FOXP2: variants seen among roughly 807,000 people sequenced by gnomAD.
The protein encoded by FOXP2 is forkhead box protein P2.
FOXP2 carries 12 observed loss-of-function variants against 115.8 expected under a neutral mutation model. The ratio of observed to expected loss-of-function variants is 0.10; its 90% CI spans 0.07 to 0.17. The LOEUF (loss-of-function observed/expected upper bound fraction) is 0.17, where lower values mean the gene tolerates loss of function less well. Ranked by LOEUF, FOXP2 falls within the 10% of genes least tolerant of loss-of-function variation. The probability of loss-of-function intolerance (pLI) is 1.00; values close to 1 mark genes in which losing one functional copy is unlikely to be tolerated. For synonymous variants in FOXP2, 328 were observed against 297.7 expected (o/e 1.10, Z -1.05); for missense variants, 629 against 843.5 (o/e 0.75, Z 3.15).
At chr7:114,182,629 T>TA (rs1287328593) in intron 1 of FOXP2, among the ~76,000 whole-genome samples, 1 of 151,476 alleles carries the variant, frequency 6.6e-6, no homozygotes, top group African/African-American at 2.4e-5. Flanking sequence ...TTTTTTTTTG[T>TA]AAAAAATATT....
At chr7:114,443,040 A>G (rs1012561127) in intron 2 of FOXP2, among the ~76,000 whole-genome samples, 3 of 152,182 alleles carry the variant, frequency 2.0e-5, no homozygotes, top group African/African-American at 7.2e-5. Context: ...TTTGGCTTCA[A>G]CCCACAGTTC....
intron 1 of FOXP2, among the ~76,000 whole-genome samples, chr7:114,209,170 T>G (rs1370391521): frequency 1.3e-5 from 2 of 152,162 alleles, no homozygotes; most frequent in East Asian, 3.9e-4. Context: ...ATCTAATGGC[T>G]TATAAGGGGG....
At chr7:114,305,536 T>C (rs1484783495) in intron 2 of FOXP2, among the ~76,000 whole-genome samples, 2 of 152,144 alleles carry the variant, frequency 1.3e-5, no homozygotes. Flanking sequence ...TAAAATATGA[T>C]TCTCAATATT....
intron 2 of FOXP2, among the ~76,000 whole-genome samples, chr7:114,516,574 A>G (rs1051352363): frequency 6.6e-6 from 1 of 152,024 alleles, no homozygotes; most frequent in Non-Finnish European, 1.5e-5. Flanking sequence ...TAATTTTTTG[A>G]GAAACTTCCA....
chr7:114,678,901 T>G (rs1315759697), intron 16 of FOXP2, among the ~76,000 whole-genome samples: 1 of 152,174 alleles, frequency 6.6e-6, no homozygotes, highest in Non-Finnish European at 1.5e-5. Context: ...AGTTAAGATG[T>G]ATTTTAACTA....
chr7:114,198,515 T>C (rs993407130), intron 1 of FOXP2, among the ~76,000 whole-genome samples: 45 of 152,308 alleles, frequency 3.0e-4, no homozygotes, highest in Non-Finnish European at 4.4e-4. Context: ...ATAAGAAACA[T>C]GCAACCTAGA....
In FOXP2 at chr7:114,693,125, G is replaced by A. The variant is rs149254099; in HGVS notation, c.*3199G>A. 2,463 of 453,838 alleles carry A rather than the reference G, an allele frequency of 5.4e-3. 11 individuals carry two copies. Among genetic ancestry groups the A allele is most frequent in the Middle Eastern group, 0.01 (15 of 1,444 alleles). 28.1% of individuals were successfully genotyped at this position (453,838 alleles called of 1,614,324 possible). ...GCTTATATTCTATGTGGTTGGATTC[G>A]TGGCACAGTTGTACTATTTGAAAAT... On this transcript the variant is annotated 3_prime_UTR_variant, in exon 17 of 17. Transcript: ENST00000350908.
chr7:114,262,277 C>T (rs1305719587), intron 1 of FOXP2, among the ~76,000 whole-genome samples: 1 of 151,922 alleles, frequency 6.6e-6, no homozygotes, highest in Non-Finnish European at 1.5e-5. Context: ...TTAAAAATTA[C>T]CCAGGTATGG....
intron 16 of FOXP2, among the ~76,000 whole-genome samples, chr7:114,672,037 C>T (rs986124996): frequency 1.3e-5 from 2 of 152,070 alleles, no homozygotes; most frequent in African/African-American, 4.8e-5. Context: ...TTTATATAAG[C>T]AACAGATGAT....
chr7:114,543,077 G>T (rs533699149), intron 3 of FOXP2, among the ~76,000 whole-genome samples: 57 of 151,856 alleles, frequency 3.8e-4, no homozygotes, highest in Non-Finnish European at 6.0e-4. Context: ...CACCATACCC[G>T]GCCTGTTCTT....
At chr7:114,180,237 A>G (rs1030455247) in intron 1 of FOXP2, among the ~76,000 whole-genome samples, 1 of 151,976 alleles carries the variant, frequency 6.6e-6, no homozygotes, top group Admixed American at 6.6e-5. Context: ...TCTTCTCTGA[A>G]GTATTTAACA....
chr7:114,426,261 A>G (rs914701122), intron 1 of FOXP2, among the ~76,000 whole-genome samples: 3 of 151,688 alleles, frequency 2.0e-5, no homozygotes, highest in Non-Finnish European at 4.4e-5. Context: ...TATGCATGGT[A>G]TGTTACTTTG....
chr7:114,278,723 A>T (rs1796254507), intron 1 of FOXP2, among the ~76,000 whole-genome samples: 1 of 152,206 alleles, frequency 6.6e-6, no homozygotes, highest in Admixed American at 6.5e-5. Flanking sequence ...GGAACAGAAG[A>T]CTCAGTATTG....
At chr7:114,482,005 A>G (rs1254153077) in intron 2 of FOXP2, among the ~76,000 whole-genome samples, 1 of 151,234 alleles carries the variant, frequency 6.6e-6, no homozygotes, top group Admixed American at 6.6e-5. Context: ...CTTAATCACC[A>G]TTGATTACTC....
At chr7:114,657,936 G>A in intron 10 of FOXP2, 130 bp from the exon 11 acceptor site, 2 of 904,118 alleles carry the variant, frequency 2.2e-6, no homozygotes, top group Non-Finnish European at 1.8e-6. Context: ...GTTGAGATTG[G>A]CTGCTTCCTT....
intron 2 of FOXP2, among the ~76,000 whole-genome samples, chr7:114,505,824 T>C (rs924587377): frequency 2.3e-4 from 35 of 151,764 alleles, no homozygotes; most frequent in Admixed American, 9.2e-4. Context: ...GTATTTTATG[T>C]ATAAGGGCGG....
rs398005920 is a variant in FOXP2 at position 114,378,684 on chromosome 7, CAAAAA to C, written c.-10-47805_-10-47801del. 2.8e-3 allele frequency among the ~76,000 whole-genome samples: 50 copies of C among 18,098 alleles called. 1 individual carries two copies. Among genetic ancestry groups the C allele is most frequent in the African/African-American group, 8.3e-3 (44 of 5,290 alleles). The allele number at this position is 18,098 out of a possible 152,430, so 11.9% of individuals were successfully genotyped here. On this transcript the variant is annotated intron_variant, in intron 2 of 17. Transcript: ENST00000634411. ...GTGAGACAATGTAAGACCCTGTCTCCAAAAAAAAAAAAAAAAAGGAAAAGAAAAAG... is the reference window on the plus strand; with the variant it reads ...GTGAGACAATGTAAGACCCTGTCTCCAAAAAAAAAAAAGGAAAAGAAAAAG...
chr7:114,284,127 T>C (rs1584606813), intron 1 of FOXP2, among the ~76,000 whole-genome samples: 1 of 152,140 alleles, frequency 6.6e-6, no homozygotes, highest in African/African-American at 2.4e-5. Context: ...AAATTTGTAA[T>C]CCAATTTAAA....
intron 3 of FOXP2, among the ~76,000 whole-genome samples, chr7:114,610,501 T>C (rs1803569331): frequency 6.6e-6 from 1 of 152,190 alleles, no homozygotes; most frequent in South Asian, 2.1e-4. Flanking sequence ...AATGTTAACA[T>C]TGTACATACA....
Sources: gnomAD v4.1 joint callset for allele counts (sites outside exome capture counted in the v4.1 genomes callset) on GRCh38, gnomAD v4.1.1 for gene constraint, MANE v1.5 for transcripts, NCBI Gene and HGNC (gene_info 2026-07-23, HGNC 2026-07-21) for gene names.